The following GRIA4 variants were observed in gnomAD, a reference collection of about 807,000 sequenced individuals.
GRIA4 encodes glutamate ionotropic receptor AMPA type subunit 4.
Under a neutral mutation model 104.0 loss-of-function variants are expected in GRIA4, and 34 were observed. The ratio of observed to expected loss-of-function variants is 0.33; its 90% confidence interval spans 0.25 to 0.44. The LOEUF is 0.44. GRIA4 is among the 20% of genes least tolerant of loss of function. The probability of loss-of-function intolerance (pLI) is 1.00; values close to 1 mark genes in which losing one functional copy is unlikely to be tolerated. For missense variants in GRIA4, 750 were observed against 1,096.5 expected (o/e 0.68, Z 4.46); for synonymous variants, 386 against 381.9 (o/e 1.01, Z -0.13).
chr11:105,887,056 C>T (rs1305731589), intron 5 of GRIA4, among the ~76,000 whole-genome samples: 1 of 151,970 alleles, frequency 6.6e-6, no homozygotes, highest in African/African-American at 2.4e-5. Context: ...AGAGATTGTG[C>T]CTTAGAAAAA....
At chr11:105,815,659 A>G (rs1943347289) in intron 4 of GRIA4, among the ~76,000 whole-genome samples, 1 of 144,282 alleles carries the variant, frequency 6.9e-6, no homozygotes, top group African/African-American at 2.8e-5. Flanking sequence ...AGGGGTTTAT[A>G]TGAATGAAAA....
intron 3 of GRIA4, among the ~76,000 whole-genome samples, chr11:105,709,831 T>C (rs1052569232): frequency 6.6e-6 from 1 of 151,864 alleles, no homozygotes; most frequent in East Asian, 1.9e-4. Flanking sequence ...ACAAGAAAAA[T>C]TGTGAATCAA....
intron 14 of GRIA4, among the ~76,000 whole-genome samples, chr11:105,937,932 G>T (rs1948086769): frequency 6.6e-6 from 1 of 152,136 alleles, no homozygotes; most frequent in African/African-American, 2.4e-5. Flanking sequence ...ATCATGTTTA[G>T]GTTACAACAG....
chr11:105,666,579 T>C (rs1276561553), intron 3 of GRIA4, among the ~76,000 whole-genome samples: 1 of 152,010 alleles, frequency 6.6e-6, no homozygotes, highest in East Asian at 1.9e-4. Flanking sequence ...ATGATTATTA[T>C]ATTTATTGCT....
chr11:105,974,478 T>C (rs1858868276), intron 16 of GRIA4, 34 bp downstream of exon 16: 1 of 1,613,754 alleles, frequency 6.2e-7, no homozygotes. Context: ...TAACCCAACT[T>C]CCTCGCAGAA....
At chr11:105,832,987 T>A (rs1944034141) in intron 4 of GRIA4, among the ~76,000 whole-genome samples, 1 of 152,088 alleles carries the variant, frequency 6.6e-6, no homozygotes, top group South Asian at 2.1e-4. Context: ...ATCTTTTAAA[T>A]CCCAAATTTA....
intron 16 of GRIA4, chr11:105,974,788 T>C: frequency 2.4e-6 from 1 of 419,958 alleles, no homozygotes; most frequent in East Asian, 4.0e-5. Flanking sequence ...CAAACCAGAA[T>C]TGCTCTGTGA....
At chr11:105,685,070 T>A (rs1952831752) in intron 3 of GRIA4, among the ~76,000 whole-genome samples, 2 of 150,700 alleles carry the variant, frequency 1.3e-5, no homozygotes, top group African/African-American at 4.9e-5. Context: ...TATTCATGAT[T>A]ACGTAGCACA....
At chr11:105,900,710 T>C (rs1946824192) in intron 7 of GRIA4, among the ~76,000 whole-genome samples, 1 of 152,154 alleles carries the variant, frequency 6.6e-6, no homozygotes, top group Non-Finnish European at 1.5e-5. Flanking sequence ...TGCCTCAGCC[T>C]CCTGAGTAGC....
At chr11:105,869,526 A>G (rs555235141) in intron 5 of GRIA4, among the ~76,000 whole-genome samples, 2 of 152,248 alleles carry the variant, frequency 1.3e-5, no homozygotes, top group East Asian at 3.9e-4. Context: ...AGAGGATAAC[A>G]TCATAATTAT....
intron 4 of GRIA4, among the ~76,000 whole-genome samples, chr11:105,819,629 C>T (rs750514747): frequency 3.4e-4 from 52 of 152,056 alleles, no homozygotes; most frequent in Non-Finnish European, 3.7e-4. Flanking sequence ...GCACATGAAA[C>T]GCTCCTGGGT....
chr11:105,762,675 G>GT (rs2135720132), intron 4 of GRIA4, among the ~76,000 whole-genome samples: 1 of 152,224 alleles, frequency 6.6e-6, no homozygotes, highest in East Asian at 1.9e-4. Flanking sequence ...TCCCCGTGCT[G>GT]TTCTTAGATA....
chr11:105,675,613 A>G (rs759533021), intron 3 of GRIA4, among the ~76,000 whole-genome samples: 4 of 151,856 alleles, frequency 2.6e-5, no homozygotes, highest in Non-Finnish European at 5.9e-5. Context: ...CAAGATCTAC[A>G]GAAATCATGA....
At chr11:105,888,805 T>C (rs936790738) in intron 6 of GRIA4, among the ~76,000 whole-genome samples, 1 of 152,162 alleles carries the variant, frequency 6.6e-6, no homozygotes, top group Non-Finnish European at 1.5e-5. Context: ...ACCATGATTA[T>C]ATTGTGTTTC....
At chr11:105,813,220 G>A (rs1407541729) in intron 4 of GRIA4, among the ~76,000 whole-genome samples, 2 of 151,920 alleles carry the variant, frequency 1.3e-5, no homozygotes, top group South Asian at 4.2e-4. Flanking sequence ...TTTTATAAGG[G>A]TAGAGGGAAA....
intron 4 of GRIA4, among the ~76,000 whole-genome samples, chr11:105,831,906 T>C (rs1943990335): frequency 6.6e-6 from 1 of 152,012 alleles, no homozygotes; most frequent in Admixed American, 6.6e-5. Context: ...CTGTACTTTC[T>C]AAATGGGGAC....
At chr11:105,899,319 C>A (rs1292870025) in intron 7 of GRIA4, among the ~76,000 whole-genome samples, 1 of 152,158 alleles carries the variant, frequency 6.6e-6, no homozygotes, top group East Asian at 1.9e-4. Context: ...AAATGGATGT[C>A]CACTATGTGT....
At chr11:105,893,403 TGAAA>T (rs1946524970) in intron 6 of GRIA4, among the ~76,000 whole-genome samples, 1 of 152,118 alleles carries the variant, frequency 6.6e-6, no homozygotes, top group African/African-American at 2.4e-5. Flanking sequence ...AGAAAATATA[TGAAA>T]GAAATATATG....
At chr11:105,762,271 G>A (rs140582140) in intron 4 of GRIA4, among the ~76,000 whole-genome samples, 1,712 of 152,284 alleles carry the variant, frequency 0.011, 32 homozygotes, top group African/African-American at 0.038. Context: ...TGATCTGCCC[G>A]CCTTGGCCTC....
Sources: allele counts gnomAD v4.1 joint callset (sites outside exome capture counted in the v4.1 genomes callset), GRCh38; gene constraint gnomAD v4.1.1; transcripts MANE v1.5; gene names NCBI Gene and HGNC (gene_info 2026-07-23, HGNC 2026-07-21).